Variants in RAD51B observed in about 807,000 individuals in gnomAD.
The protein encoded by RAD51B is RAD51 paralog B.
In RAD51B, 38 loss-of-function variants were observed where a neutral mutation model predicts 42.2. The ratio of observed to expected loss-of-function variants is 0.90; its 90% CI spans 0.70 to 1.18. The LOEUF (loss-of-function observed/expected upper bound fraction) is 1.18, where lower values mean the gene tolerates loss of function less well. Among genes scored for constraint, RAD51B ranks in the 50% most tolerant of loss-of-function variants. The pLI is 0.00. For synonymous variants in RAD51B, 154 were observed against 145.2 expected (o/e 1.06, Z -0.43); for missense variants, 373 against 400.7 (o/e 0.93, Z 0.59).
At chr14:68,341,252 A>ATTAT (rs771830142) in intron 8 of RAD51B, among the ~76,000 whole-genome samples, 13 of 152,240 alleles carry the variant, frequency 8.5e-5, no homozygotes, top group Non-Finnish European at 1.5e-4. Context: ...ATGCAAGTAT[A>ATTAT]TTATAGGAAA....
intron 7 of RAD51B, among the ~76,000 whole-genome samples, chr14:67,984,111 G>A (rs1344770233): frequency 6.6e-6 from 1 of 152,018 alleles, no homozygotes; most frequent in Non-Finnish European, 1.5e-5. Flanking sequence ...GCTAATATTT[G>A]TATTGTTAGT....
rs149444780 is a variant in RAD51B at position 68,496,258 on chromosome 14, C to T, written c.1036+28008C>T. ...GTTCCTATAAAAAGGAAAAAGTCAC[C>T]GGAAAAAATGGGTCAAATGTAAGAC... On this transcript the variant is annotated intron_variant, in intron 10 of 10. Coordinates refer to the RAD51B transcript ENST00000487270. 3.9e-5 allele frequency among the ~76,000 whole-genome samples: 6 copies of T among 152,244 alleles called. No homozygotes were observed. The East Asian group carries it at 9.7e-4, about 24-fold the overall frequency.
At chr14:67,943,197 T>C (rs1018303718) in intron 7 of RAD51B, among the ~76,000 whole-genome samples, 6 of 152,146 alleles carry the variant, frequency 3.9e-5, no homozygotes, top group Admixed American at 3.9e-4. Context: ...GTACTAATAG[T>C]GTTAGATTAA....
intron 7 of RAD51B, among the ~76,000 whole-genome samples, chr14:68,050,328 A>T (rs577542048): frequency 6.6e-6 from 1 of 150,954 alleles, no homozygotes; most frequent in Non-Finnish European, 1.5e-5. Context: ...TGATATTAAC[A>T]TCATTGCACT....
At chr14:68,151,748 T>G (rs1375223873) in intron 7 of RAD51B, among the ~76,000 whole-genome samples, 1 of 151,908 alleles carries the variant, frequency 6.6e-6, no homozygotes, top group African/African-American at 2.4e-5. Context: ...ATTGTAGTGT[T>G]TACCACTAGA....
chr14:68,639,141 T>C (rs1412185434), intron 10 of RAD51B, among the ~76,000 whole-genome samples: 2 of 151,898 alleles, frequency 1.3e-5, no homozygotes, highest in African/African-American at 4.8e-5. Flanking sequence ...CAGCAAGGGG[T>C]CTGAGTTAGG....
intron 9 of RAD51B, among the ~76,000 whole-genome samples, chr14:68,424,969 C>T (rs964743552): frequency 6.6e-6 from 1 of 152,184 alleles, no homozygotes; most frequent in Non-Finnish European, 1.5e-5. Context: ...GAGATGGGGT[C>T]TTGCTGTGTT....
At chr14:68,148,748 T>C (rs2078309833) in intron 7 of RAD51B, among the ~76,000 whole-genome samples, 1 of 152,240 alleles carries the variant, frequency 6.6e-6, no homozygotes, top group African/African-American at 2.4e-5. Flanking sequence ...TGCAGTGTAC[T>C]CTTCAATAAA....
At chr14:67,965,140 C>G (rs1255300372) in intron 7 of RAD51B, among the ~76,000 whole-genome samples, 1 of 152,116 alleles carries the variant, frequency 6.6e-6, no homozygotes, top group African/African-American at 2.4e-5. Flanking sequence ...CAATCCCAAA[C>G]TAATTTTTCC....
chr14:68,354,281 A>G (rs1259909604), intron 8 of RAD51B, among the ~76,000 whole-genome samples: 1 of 138,246 alleles, frequency 7.2e-6, no homozygotes, highest in East Asian at 2.1e-4. Flanking sequence ...CAAGGGCACG[A>G]TTTCGGCTCA....
intron 7 of RAD51B, among the ~76,000 whole-genome samples, chr14:68,135,402 T>C (rs576410771): frequency 6.6e-6 from 1 of 152,340 alleles, no homozygotes; most frequent in South Asian, 2.1e-4. Flanking sequence ...TATATAAATT[T>C]AGCCTTTAGC....
chr14:68,569,313 C>A (rs906148012), intron 10 of RAD51B, among the ~76,000 whole-genome samples: 1 of 152,216 alleles, frequency 6.6e-6, no homozygotes, highest in Non-Finnish European at 1.5e-5. Context: ...AAAGGCCTCT[C>A]TCTCCCTCTT....
chr14:68,073,212 G>T (rs760826117), intron 7 of RAD51B, among the ~76,000 whole-genome samples: 1 of 152,076 alleles, frequency 6.6e-6, no homozygotes, highest in Non-Finnish European at 1.5e-5. Context: ...TCCAGTGTTG[G>T]GTGCATATAT....
intron 8 of RAD51B, among the ~76,000 whole-genome samples, chr14:68,342,565 T>TTC (rs1175001463): frequency 2.6e-5 from 4 of 152,006 alleles, no homozygotes; most frequent in Non-Finnish European, 1.5e-5. Context: ...CTCTCTCTCT[T>TTC]TCTCTCTCTC....
rs184683005 is a variant in RAD51B, at chr14:68,570,663, C to T, written c.1037-23822C>T. Among the ~76,000 whole-genome samples the T allele has an allele frequency of 2.3e-3, 355 of 152,326 alleles. 1 individual carries two copies. Among genetic ancestry groups the T allele is most frequent in the Non-Finnish European group, 3.7e-3 (250 of 68,040 alleles). On this transcript the variant is annotated intron_variant, in intron 10 of 10. Transcript: ENST00000487270. ...AACCTTCTGACCCTCTGTGTCCAGC[C>T]CCCATCCCCATTTTTACCTCCAGCC...
At chr14:68,249,868 A>T (rs1286044720) in intron 7 of RAD51B, among the ~76,000 whole-genome samples, 1 of 152,222 alleles carries the variant, frequency 6.6e-6, no homozygotes, top group African/African-American at 2.4e-5. Flanking sequence ...GACTTTTGAA[A>T]ATACCTCAAA....
chr14:68,234,523 G>A (rs143415665), intron 7 of RAD51B, among the ~76,000 whole-genome samples: 1 of 152,156 alleles, frequency 6.6e-6, no homozygotes, highest in Non-Finnish European at 1.5e-5. Context: ...TTGGCTGGAT[G>A]GTACAGCCTG....
At chr14:67,852,561 T>G (rs1781169171) in intron 4 of RAD51B, among the ~76,000 whole-genome samples, 1 of 152,078 alleles carries the variant, frequency 6.6e-6, no homozygotes, top group South Asian at 2.1e-4. Flanking sequence ...GATCCAAGAG[T>G]ACAGGGTAGA....
chr14:68,186,209 G>A (rs181901615), intron 7 of RAD51B, among the ~76,000 whole-genome samples: 28 of 152,196 alleles, frequency 1.8e-4, no homozygotes, highest in African/African-American at 6.5e-4. Context: ...TGCAAAAATT[G>A]ACTCAAGATG....
Sources: allele counts gnomAD v4.1 joint callset (sites outside exome capture counted in the v4.1 genomes callset), GRCh38; gene constraint gnomAD v4.1.1; transcripts MANE v1.5; gene names NCBI Gene and HGNC (gene_info 2026-07-23, HGNC 2026-07-21).